ULK4: variants seen among roughly 807,000 people sequenced by gnomAD.
ULK4 encodes the protein inactive serine/threonine-protein kinase ULK4.
In ULK4, 133 loss-of-function variants were observed where a neutral mutation model predicts 160.6. The ratio of observed to expected loss-of-function variants is 0.83; its 90% CI spans 0.72 to 0.96. The LOEUF (loss-of-function observed/expected upper bound fraction) is 0.96, where lower values mean the gene tolerates loss of function less well. ULK4 is among the 40% of genes least tolerant of loss of function. ULK4 has a pLI of 0.00. For missense variants in ULK4, 1,580 were observed against 1,499.5 expected (o/e 1.05, Z -0.89); for synonymous variants, 534 against 539.8 (o/e 0.99, Z 0.15).
chr3:41,712,598 C>A (rs1319174385), intron 25 of ULK4, among the ~76,000 whole-genome samples: 1 of 152,176 alleles, frequency 6.6e-6, no homozygotes, highest in Non-Finnish European at 1.5e-5. Context: ...GTAAGTCTTT[C>A]AAAACACAAT....
chr3:41,565,634 C>T (rs1479570890), intron 32 of ULK4, among the ~76,000 whole-genome samples: 1 of 152,196 alleles, frequency 6.6e-6, no homozygotes, highest in African/African-American at 2.4e-5. Flanking sequence ...ATGGACCTCA[C>T]CACATGCAGC....
chr3:41,400,804 T>C (rs1450376391), intron 34 of ULK4, among the ~76,000 whole-genome samples: 1 of 152,202 alleles, frequency 6.6e-6, no homozygotes, highest in Admixed American at 6.6e-5. Flanking sequence ...AGCATCAATG[T>C]ACAAAAGATC....
chr3:41,933,285 G>A lies in ULK4; in HGVS notation c.379-1279C>T, dbSNP rs80073270. On this transcript the variant is annotated intron_variant, in intron 4 of 36. Coordinates refer to ENST00000301831, the MANE Select transcript of ULK4 (RefSeq NM_017886.4). ...GTCAACCTAATGCTGCTGGTCCAGA[G>A]GACCACTGGCAGGGATCAGCAAACT... is the stretch of plus-strand genomic sequence containing the variant. Among the ~76,000 whole-genome samples the A allele has an allele frequency of 8.5e-3, 1,294 of 152,258 alleles. 17 individuals carry two copies. The highest frequency in any genetic ancestry group is 0.03 in the African/African-American group (1,245 of 41,544).
In ULK4 at chr3:41,404,148, T is replaced by G. The variant is rs374333594; in HGVS notation, c.3493-5884A>C. 2.0e-5 allele frequency among the ~76,000 whole-genome samples: 3 copies of G among 152,098 alleles called. No homozygotes were observed. The South Asian group carries it at 6.2e-4, about 32-fold the overall frequency. On this transcript the variant is annotated intron_variant, in intron 34 of 36. Coordinates refer to ENST00000301831, the MANE Select transcript of ULK4 (RefSeq NM_017886.4). Reference sequence around the variant, plus strand: ...TTTCTATATTCTTGATTTTTTCGTCTAGTTGTTCTATTAATTCCTAAGTGG... The same window carrying G: ...TTTCTATATTCTTGATTTTTTCGTCGAGTTGTTCTATTAATTCCTAAGTGG...
intron 17 of ULK4, among the ~76,000 whole-genome samples, chr3:41,854,577 G>T (rs146814907): frequency 2.9e-4 from 44 of 152,230 alleles, no homozygotes; most frequent in African/African-American, 8.7e-4. Flanking sequence ...CTAAGTTGAT[G>T]CTTGATATTT....
chr3:41,306,713 A>G (rs1328267767), intron 35 of ULK4, among the ~76,000 whole-genome samples: 1 of 152,086 alleles, frequency 6.6e-6, no homozygotes, highest in African/African-American at 2.4e-5. Flanking sequence ...AAAGGGGGAA[A>G]GGTGGGGAAA....
At chr3:41,741,215 GATAA>G (rs1317595324) in intron 22 of ULK4, among the ~76,000 whole-genome samples, 2 of 151,736 alleles carry the variant, frequency 1.3e-5, no homozygotes, top group Non-Finnish European at 2.9e-5. Flanking sequence ...AATGAGTAAA[GATAA>G]ATAATCTCAC....
chr3:41,690,840 C>T (rs902740672), intron 27 of ULK4, among the ~76,000 whole-genome samples: 1 of 151,838 alleles, frequency 6.6e-6, no homozygotes, highest in Admixed American at 6.6e-5. Flanking sequence ...CACCTATATG[C>T]AAAAGGGGGG....
intron 31 of ULK4, among the ~76,000 whole-genome samples, chr3:41,576,561 G>T (rs1468437047): frequency 6.6e-6 from 1 of 152,150 alleles, no homozygotes; most frequent in African/African-American, 2.4e-5. Context: ...CCTCCTTCTA[G>T]AAATCAACTA....
intron 32 of ULK4, among the ~76,000 whole-genome samples, chr3:41,540,415 AT>A (rs1227714953): frequency 1.3e-5 from 2 of 152,016 alleles, no homozygotes; most frequent in African/African-American, 4.8e-5. Flanking sequence ...TATGTGCCAC[AT>A]TTTCTTTATC....
At position 41,871,686 on chromosome 3, in the gene ULK4, G is replaced by T. The variant is rs551257845; in HGVS notation, c.1656+12188C>A. Among the ~76,000 whole-genome samples, 5 of 152,126 alleles carry T rather than the reference G, an allele frequency of 3.3e-5. No individual in the cohort carries two copies. In the East Asian group the frequency reaches 9.7e-4, roughly 29 times the overall value. Reference sequence around the variant, plus strand: ...CATGTCTTTTGCCCATTTTCTAATCGAATATTTTTTGCTGTTGAGGTTTGA... The same window carrying T: ...CATGTCTTTTGCCCATTTTCTAATCTAATATTTTTTGCTGTTGAGGTTTGA... On this transcript the variant is annotated intron_variant, in intron 17 of 36. Transcript: ENST00000301831.
chr3:41,928,042 A>G (rs1397068186), intron 5 of ULK4, among the ~76,000 whole-genome samples: 2 of 152,188 alleles, frequency 1.3e-5, no homozygotes, highest in Non-Finnish European at 2.9e-5. Context: ...CCAAATCAAC[A>G]GAATATACAT....
chr3:41,687,944 A>T (rs1000172654), intron 27 of ULK4: 1 of 152,164 alleles, frequency 6.6e-6, no homozygotes, highest in Non-Finnish European at 1.5e-5. Context: ...GAATGGGTGG[A>T]CTCTCAACCC....
intron 19 of ULK4, among the ~76,000 whole-genome samples, chr3:41,808,721 G>A (rs907713244): frequency 1.3e-5 from 2 of 152,158 alleles, no homozygotes; most frequent in Admixed American, 6.6e-5. Flanking sequence ...AAAGTTTTCT[G>A]CCAATATAAT....
chr3:41,421,914 C>T (rs1305246466), intron 34 of ULK4, among the ~76,000 whole-genome samples: 1 of 152,034 alleles, frequency 6.6e-6, no homozygotes, highest in Non-Finnish European at 1.5e-5. Context: ...CTTGTAGATG[C>T]AAAATATCAG....
chr3:41,575,070 C>G (rs1489204091), intron 31 of ULK4, among the ~76,000 whole-genome samples: 1 of 152,192 alleles, frequency 6.6e-6, no homozygotes, highest in African/African-American at 2.4e-5. Flanking sequence ...TACTCCAGTG[C>G]TTTCAATCCG....
At chr3:41,875,867 A>C (rs772176623) in intron 17 of ULK4, among the ~76,000 whole-genome samples, 25 of 152,090 alleles carry the variant, frequency 1.6e-4, no homozygotes, top group Non-Finnish European at 3.5e-4. Context: ...ACTTTAATCA[A>C]ATGATCAAAG....
intron 22 of ULK4, among the ~76,000 whole-genome samples, chr3:41,731,562 A>G (rs1417367112): frequency 6.6e-6 from 1 of 152,014 alleles, no homozygotes; most frequent in Admixed American, 6.6e-5. Context: ...ACCTAAAGTG[A>G]TCTACAGATT....
intron 35 of ULK4, among the ~76,000 whole-genome samples, chr3:41,259,591 G>A (rs765575311): frequency 7.2e-5 from 11 of 152,102 alleles, no homozygotes; most frequent in Non-Finnish European, 1.3e-4. Context: ...TTCTATCACC[G>A]TGGCACATCA....
Sources: gnomAD v4.1 joint callset for allele counts (sites outside exome capture counted in the v4.1 genomes callset) on GRCh38, gnomAD v4.1.1 for gene constraint, MANE v1.5 for transcripts, NCBI Gene and HGNC (gene_info 2026-07-23, HGNC 2026-07-21) for gene names.